CHTF18: variants seen among roughly 807,000 people sequenced by gnomAD.
The protein encoded by CHTF18 is chromosome transmission fidelity protein 18 homolog.
Under a neutral mutation model 113.4 loss-of-function variants are expected in CHTF18, and 151 were observed. That is an observed-to-expected ratio of 1.33 (90% CI 1.17 to 1.52). The LOEUF (loss-of-function observed/expected upper bound fraction) is 1.52. CHTF18 is among the 40% of genes most tolerant of loss of function. The probability of loss-of-function intolerance (pLI) is 0.00; values close to 1 mark genes in which losing one functional copy is unlikely to be tolerated. For synonymous variants in CHTF18, 916 were observed against 598.8 expected (o/e 1.53, Z -7.74); for missense variants, 1,982 against 1,381.6 (o/e 1.43, Z -6.89).
chr16:797,479 A>G (rs895544151), intron 20 of CHTF18, among the ~76,000 whole-genome samples: 1 of 152,154 alleles, frequency 6.6e-6, no homozygotes, highest in Admixed American at 6.5e-5. Flanking sequence ...CCATCTGGGC[A>G]GAAGAGTGGC....
chr16:793,705 A>T (rs1299731698), intron 14 of CHTF18: 1 of 620,812 alleles, frequency 1.6e-6, no homozygotes, highest in Non-Finnish European at 3.0e-6. Flanking sequence ...ACCCCAGGGG[A>T]TGCTGGCCTG....
chr16:792,256 G>A lies in CHTF18; in HGVS notation c.1235G>A (p.Arg412His), dbSNP rs201241030. Residue 412 changes from arginine to histidine, a missense_variant, in exon 10 of 22, where the codon CGC (arginine) becomes CAC (histidine). Arg to His is a conservative substitution (Grantham distance 29). Coordinates refer to ENST00000262315, the MANE Select transcript of CHTF18 (RefSeq NM_022092.3). ...DDRSPEVFRT[R>H]IEAATQMESV... ...CGTAGCCCGGAGGTCTTCCGCACAC[G>A]CATCGAGGCGGCCACCCAGATGGAG... is the stretch of plus-strand genomic sequence containing the variant. The A allele has an allele frequency of 1.6e-4, 247 of 1,565,202 alleles. No individual in the cohort carries two copies. Among genetic ancestry groups the A allele is most frequent in the East Asian group, 7.2e-5 (3 of 41,536 alleles).
chr16:792,002 T>G, intron 9 of CHTF18, 54 bp downstream of exon 9: 1 of 1,562,600 alleles, frequency 6.4e-7, no homozygotes, highest in African/African-American at 1.4e-5. Flanking sequence ...CGTGTTTGAG[T>G]TCTGGTGGCG....
rs749093068 is a variant in CHTF18 at position 791,221 on chromosome 16, G to C, written c.955G>C (p.Glu319Gln). The C allele has an allele frequency of 6.2e-7, 1 of 1,611,412 alleles. No individual in the cohort carries two copies. The highest frequency in any genetic ancestry group is 2.2e-5 in the East Asian group (1 of 44,842). ...KLWDLVVFGH[E>Q]RPSRKPRPSV... ...GTGGGACCTGGTGGTGTTTGGCCAC[G>C]AGAGGCCTTCCCGGAAGCCCAGGCC... Residue 319 changes from glutamate to glutamine, a missense_variant, in exon 8 of 22, where the codon GAG (glutamate) becomes CAG (glutamine). Transcript: ENST00000262315.
Position 790,677 on chromosome 16 carries a change from G to C in CHTF18, c.894+11G>C. 1.3e-6 allele frequency: 2 copies of C among 1,531,390 alleles called. No individual in the cohort carries two copies. The highest frequency in any genetic ancestry group is 1.7e-6 in the Non-Finnish European group (2 of 1,147,894). 94.9% of individuals were successfully genotyped at this position (1,531,390 alleles called of 1,614,324 possible). A position where few individuals can be genotyped will look rare whatever the true frequency, so the allele number is the denominator to read the frequency against. On this transcript the variant is annotated intron_variant, in intron 7 of 21. Coordinates refer to ENST00000262315, the MANE Select transcript of CHTF18 (RefSeq NM_022092.3). Reference sequence around the variant, plus strand: ...CTGCTCAGTGATGACGTGAGGTCTTGTTCTCACTCAAGTGTGGCTGGCTTC... The same window carrying C: ...CTGCTCAGTGATGACGTGAGGTCTTCTTCTCACTCAAGTGTGGCTGGCTTC...
In CHTF18 at chr16:789,325, G is replaced by A; in HGVS notation, c.402G>A (p.Pro134=). 6.2e-7 allele frequency: 1 copy of A among 1,602,058 alleles called. No homozygotes were observed. Among genetic ancestry groups the A allele is most frequent in the Non-Finnish European group, 8.5e-7 (1 of 1,174,988 alleles). Residue 134 remains proline, a synonymous_variant, in exon 3 of 22, where the codon CCG becomes CCA. Coordinates refer to ENST00000262315, the MANE Select transcript of CHTF18 (RefSeq NM_022092.3). ...DSSPTDITPP[P]SPEDLAELWG... is the part of the protein sequence containing the mutation. ...CGCCGACGGACATCACCCCGCCGCC[G>A]AGCCCTGAGGACCTCGCAGAGCTTT...
At chr16:790,324 A>AT in intron 5 of CHTF18, 23 bp from the exon 6 acceptor site, 1 of 1,612,174 alleles carries the variant, frequency 6.2e-7, no homozygotes, top group Non-Finnish European at 8.5e-7. Context: ...AGCCCTCCTG[A>AT]TTCCAGCCTG....
At position 789,396 on chromosome 16, in the gene CHTF18, G is replaced by C. The variant is rs771545448; in HGVS notation, c.437+36G>C. ...TGGACATGGGCGTCCCATCCCATCT[G>C]TCCAGTGGGACTCAGATGGAGCCCA... On this transcript the variant is annotated intron_variant, in intron 3 of 21. Coordinates refer to ENST00000262315, the MANE Select transcript of CHTF18 (RefSeq NM_022092.3). The C allele has an allele frequency of 1.9e-6, 3 of 1,548,998 alleles. No homozygotes were observed. The East Asian group carries it at 6.8e-5, about 35-fold the overall frequency.
At chr16:792,620 G>A (rs1406151819) in intron 11 of CHTF18, 30 bp downstream of exon 11, 4 of 1,592,052 alleles carry the variant, frequency 2.5e-6, no homozygotes. Flanking sequence ...CCACAGTCAG[G>A]AGAGGCTCTG....
At position 788,957 on chromosome 16, in the gene CHTF18, G is replaced by T. The variant is rs780800544; in HGVS notation, c.118G>T (p.Val40Phe). The change falls in exon 2 of 22, where the codon GTC (valine) becomes TTC (phenylalanine). Residue 40 changes from valine to phenylalanine, a missense_variant. Val to Phe is a conservative substitution (Grantham distance 50). Coordinates refer to ENST00000262315, the MANE Select transcript of CHTF18 (RefSeq NM_022092.3). Reference protein sequence around the residue: ...EGASTPSPSGVPLFTAGRPPR... With the variant: ...EGASTPSPSGFPLFTAGRPPR... ...GGCGTCGACTCCGTCGCCCTCCGGG[G>T]TCCCCCTGTTCACCGCGGGCCGACC... 1.1e-4 allele frequency: 180 copies of T among 1,566,706 alleles called. No individual in the cohort carries two copies. The highest frequency in any genetic ancestry group is 1.5e-4 in the Non-Finnish European group (172 of 1,164,618).
intron 15 of CHTF18, chr16:794,892 G>A (rs1416629208): frequency 1.8e-5 from 10 of 553,206 alleles, no homozygotes; most frequent in Non-Finnish European, 2.3e-5. Flanking sequence ...TCTCTGTCAA[G>A]CTGTAGCGAG....
In CHTF18 at chr16:795,749, C is replaced by G. The variant is rs760592131; in HGVS notation, c.2240C>G (p.Ala747Gly). ...ACGCTGGTGTCCGGCATCGCGCCAG[C>G]CACGCGCAGCCGGGCCACGCCCCAG... ...IQTLVSGIAP[A>G]TRSRATPQAL... The change falls in exon 17 of 22, where the codon GCC (alanine) becomes GGC (glycine). Residue 747 changes from alanine to glycine, a missense_variant. Ala to Gly is a moderately conservative substitution (Grantham distance 60, BLOSUM62 0). Coordinates refer to ENST00000262315, the MANE Select transcript of CHTF18 (RefSeq NM_022092.3). 6.2e-7 allele frequency: 1 copy of G among 1,608,584 alleles called. No individual in the cohort carries two copies. The highest frequency in any genetic ancestry group is 8.5e-7 in the Non-Finnish European group (1 of 1,178,596).
At chr16:792,173 C>T (rs1596756133) in intron 9 of CHTF18, 51 bp from the exon 10 acceptor site, 1 of 1,538,560 alleles carries the variant, frequency 6.5e-7, no homozygotes, top group East Asian at 2.4e-5. Flanking sequence ...TGGGAGGCTG[C>T]CCTGCCAGGG....
Position 795,176 on chromosome 16 carries a change from C to A in CHTF18, c.1995C>A (p.Ser665Arg). ...TGCGTCTGCGGCTGCGAGACTCCAG[C>A]CTGGGTGCTGTGTGTGTGGCCCTCG... Reference protein sequence around the residue: ...NFLRLRLRDSSLGAVCVALDW... With the variant: ...NFLRLRLRDSRLGAVCVALDW... The change falls in exon 16 of 22, where the codon AGC (serine) becomes AGA (arginine). Residue 665 changes from serine to arginine, a missense_variant. Coordinates refer to ENST00000262315, the MANE Select transcript of CHTF18 (RefSeq NM_022092.3). 1 of 1,557,886 alleles carries A rather than the reference C, an allele frequency of 6.4e-7. No individual in the cohort carries two copies. Among genetic ancestry groups the A allele is most frequent in the Non-Finnish European group, 8.7e-7 (1 of 1,151,068 alleles).
At chr16:796,492 G>C (rs1252299293) in intron 18 of CHTF18, 1 of 597,334 alleles carries the variant, frequency 1.7e-6, no homozygotes, top group Non-Finnish European at 2.9e-6. Context: ...GCAGCCATCG[G>C]CAGGTTTCAT....
intron 3 of CHTF18, 49 bp downstream of exon 3, chr16:789,409 C>G (rs2042103343): frequency 2.6e-6 from 4 of 1,539,518 alleles, no homozygotes; most frequent in Non-Finnish European, 3.5e-6. Flanking sequence ...CAGTGGGACT[C>G]AGATGGAGCC....
rs1184876519 is a variant in CHTF18 at position 795,835 on chromosome 16, G to A, written c.2325+1G>A. 2.5e-6 allele frequency: 4 copies of A among 1,608,682 alleles called. No individual in the cohort carries two copies. Among genetic ancestry groups the A allele is most frequent in the African/African-American group, 1.3e-5 (1 of 74,652 alleles). On this transcript the variant is annotated splice_donor_variant, in intron 17 of 21. Transcript: ENST00000262315. LOFTEE classifies it high-confidence loss of function. ...CATTCTTGCACCCAAGCTCCGCCCC[G>A]TGAGTGCCGTCCCCGGGGTGGGGGA... is the stretch of plus-strand genomic sequence containing the variant.
chr16:789,714 A>G lies in CHTF18; in HGVS notation c.605A>G (p.Gln202Arg), dbSNP rs2151640555. The change falls in exon 4 of 22, where the codon CAG becomes CGG. Residue 202 changes from glutamine (Q) to arginine (R), a missense_variant and splice_region_variant. By Grantham distance (43) the Gln-to-Arg change is conservative. Coordinates refer to ENST00000262315, the MANE Select transcript of CHTF18 (RefSeq NM_022092.3). ...GCTGACCCCATGGCCCCGGGGGTGC[A>G]GGTGCGTGGCTGTGGCCTTCCTGCA... The part of the protein sequence containing the change: ...LRADPMAPGV[Q>R]GSLLHVPWRG... The G allele has an allele frequency of 6.3e-7, 1 of 1,584,086 alleles. No homozygotes were observed. The highest frequency in any genetic ancestry group is 8.5e-7 in the Non-Finnish European group (1 of 1,170,854).
chr16:791,009 C>T (rs1567395165), intron 7 of CHTF18, 152 bp from the exon 8 acceptor site: 2 of 1,471,084 alleles, frequency 1.4e-6, no homozygotes, highest in Non-Finnish European at 1.8e-6. Flanking sequence ...CTGGTGTGAG[C>T]CTTGCGGTCA....
Sources: gnomAD v4.1 joint callset for allele counts (sites outside exome capture counted in the v4.1 genomes callset) on GRCh38, gnomAD v4.1.1 for gene constraint, MANE v1.5 for transcripts, NCBI Gene and HGNC (gene_info 2026-07-23, HGNC 2026-07-21) for gene names.